Variants in KHDRBS3 observed in about 807,000 individuals in gnomAD.
KHDRBS3 encodes the protein KH RNA binding domain containing, signal transduction associated 3.
KHDRBS3 carries 23 observed loss-of-function variants against 45.6 expected under a neutral mutation model. The ratio of observed to expected loss-of-function variants is 0.50; its 90% CI spans 0.36 to 0.72. The LOEUF is 0.72. Among genes scored for constraint, KHDRBS3 ranks in the 30% least tolerant of loss-of-function variants. KHDRBS3 has a pLI of 0.00. For missense variants in KHDRBS3, 352 were observed against 424.8 expected (o/e 0.83, Z 1.51); for synonymous variants, 162 against 156.5 (o/e 1.04, Z -0.26).
At chr8:135,588,636 T>C (rs936361556) in intron 6 of KHDRBS3, among the ~76,000 whole-genome samples, 53 of 152,268 alleles carry the variant, frequency 3.5e-4, no homozygotes, top group African/African-American at 1.1e-3. Context: ...ATGTAAACTC[T>C]TCTGTGATGG....
At chr8:135,647,641 GTTTT>G (rs540969330), downstream of KHDRBS3, 1 of 151,706 alleles carries the variant, frequency 6.6e-6, no homozygotes, top group East Asian at 1.9e-4. Flanking sequence ...AATTTCATGG[GTTTT>G]TTTTTATTTA....
chr8:135,578,263 T>C (rs1208283220), intron 5 of KHDRBS3, among the ~76,000 whole-genome samples: 2 of 152,176 alleles, frequency 1.3e-5, no homozygotes, highest in African/African-American at 4.8e-5. Flanking sequence ...CCAATTTTTC[T>C]TTCAAGGACT....
intron 7 of KHDRBS3, among the ~76,000 whole-genome samples, chr8:135,639,742 C>A (rs941208036): frequency 6.6e-6 from 1 of 152,146 alleles, no homozygotes; most frequent in African/African-American, 2.4e-5. Flanking sequence ...AGAGTGGGAG[C>A]GGAGAAAGAA....
At chr8:135,567,232 G>A (rs766473382) in intron 5 of KHDRBS3, among the ~76,000 whole-genome samples, 6 of 151,816 alleles carry the variant, frequency 4.0e-5, no homozygotes, top group Non-Finnish European at 8.8e-5. Context: ...AGAAAACTCT[G>A]GGTGCAACTC....
intron 3 of KHDRBS3, among the ~76,000 whole-genome samples, chr8:135,547,366 C>T (rs2130792394): frequency 6.6e-6 from 1 of 152,224 alleles, no homozygotes; most frequent in East Asian, 1.9e-4. Flanking sequence ...TCTCCTTTCG[C>T]CAGCATTTAT....
chr8:135,549,534 A>G (rs1238856708), intron 4 of KHDRBS3: 2 of 152,214 alleles, frequency 1.3e-5, no homozygotes, highest in Admixed American at 1.3e-4. Flanking sequence ...ATTTAAAGGG[A>G]ATACATCTCT....
In KHDRBS3 at chr8:135,499,559, C is replaced by T. The variant is rs548560608; in HGVS notation, c.89-21678C>T. On this transcript the variant is annotated intron_variant, in intron 1 of 8. Coordinates refer to ENST00000355849, the MANE Select transcript of KHDRBS3 (RefSeq NM_006558.3). ...GGAACTTGGTCTTTCATTTTAATTT[C>T]CTCTTTTTGGAGATATAAAATCTTA... 3.3e-5 allele frequency among the ~76,000 whole-genome samples: 5 copies of T among 152,270 alleles called. No homozygotes were observed. In the South Asian group the frequency reaches 1.0e-3, roughly 32 times the overall value.
At chr8:135,628,218 A>C (rs1786370956) in intron 7 of KHDRBS3, among the ~76,000 whole-genome samples, 1 of 152,000 alleles carries the variant, frequency 6.6e-6, no homozygotes, top group African/African-American at 2.4e-5. Context: ...ATCATGTTCC[A>C]TTCCCCGGTT....
At chr8:135,483,323 C>T (rs1442842426) in intron 1 of KHDRBS3, among the ~76,000 whole-genome samples, 5 of 152,170 alleles carry the variant, frequency 3.3e-5, no homozygotes, top group African/African-American at 9.7e-5. Context: ...TTGCATTATA[C>T]AGCACTGAAC....
intron 5 of KHDRBS3, among the ~76,000 whole-genome samples, chr8:135,565,092 C>T (rs756462974): frequency 2.6e-5 from 4 of 152,204 alleles, no homozygotes; most frequent in Admixed American, 2.0e-4. Context: ...TACCCGGAGG[C>T]CTGGCTGGTG....
intron 2 of KHDRBS3, among the ~76,000 whole-genome samples, chr8:135,524,885 C>A (rs1475072497): frequency 1.3e-5 from 2 of 151,778 alleles, no homozygotes; most frequent in Non-Finnish European, 2.9e-5. Context: ...ATATTTTTTT[C>A]TCTCTTGGGA....
intron 2 of KHDRBS3, chr8:135,541,526 A>T (rs977963228): frequency 6.6e-6 from 1 of 152,226 alleles, no homozygotes; most frequent in East Asian, 1.9e-4. Context: ...TACCACTTAG[A>T]TTTTTTAAAG....
intron 1 of KHDRBS3, among the ~76,000 whole-genome samples, chr8:135,516,455 A>C (rs1193198927): frequency 6.6e-6 from 1 of 152,206 alleles, no homozygotes; most frequent in African/African-American, 2.4e-5. Context: ...CTTCATTATA[A>C]TCTTACAAGA....
intron 6 of KHDRBS3, among the ~76,000 whole-genome samples, chr8:135,606,679 A>C (rs1829479547): frequency 6.6e-6 from 1 of 152,188 alleles, no homozygotes; most frequent in East Asian, 1.9e-4. Context: ...AAAAAAAAGA[A>C]AAAAGACAAT....
intron 4 of KHDRBS3, among the ~76,000 whole-genome samples, chr8:135,653,624 C>T (rs1359497932): frequency 6.6e-6 from 1 of 152,166 alleles, no homozygotes; most frequent in African/African-American, 2.4e-5. Flanking sequence ...CTTGAGATAT[C>T]AAACTTTATT....
intron 7 of KHDRBS3, among the ~76,000 whole-genome samples, chr8:135,628,727 G>A (rs536764414): frequency 1.3e-5 from 2 of 152,200 alleles, no homozygotes; most frequent in South Asian, 2.1e-4. Flanking sequence ...AAACTTCCAG[G>A]GCACATGCTT....
chr8:135,506,081 G>A (rs1302931889), intron 1 of KHDRBS3, among the ~76,000 whole-genome samples: 6 of 152,178 alleles, frequency 3.9e-5, no homozygotes, highest in Admixed American at 6.5e-5. Context: ...TAGATGGCTT[G>A]TTTGTGGAAA....
chr8:135,564,249 TAAAC>T (rs1827297327), intron 5 of KHDRBS3, among the ~76,000 whole-genome samples: 2 of 152,206 alleles, frequency 1.3e-5, no homozygotes, highest in African/African-American at 2.4e-5. Context: ...GATGCTGTGA[TAAAC>T]AATAAACATT....
At chr8:135,526,239 A>G (rs2130683282) in intron 2 of KHDRBS3, among the ~76,000 whole-genome samples, 1 of 152,304 alleles carries the variant, frequency 6.6e-6, no homozygotes, top group Non-Finnish European at 1.5e-5. Context: ...TAACATCAAT[A>G]AAGTGTACGA....
Sources: gnomAD v4.1 joint callset for allele counts (sites outside exome capture counted in the v4.1 genomes callset) on GRCh38, gnomAD v4.1.1 for gene constraint, MANE v1.5 for transcripts, NCBI Gene and HGNC (gene_info 2026-07-23, HGNC 2026-07-21) for gene names.